The following TMEM178B variants were observed in gnomAD, a reference collection of about 807,000 sequenced individuals.
TMEM178B encodes transmembrane protein 178B.
TMEM178B carries 5 observed loss-of-function variants against 31.0 expected under a neutral mutation model. That is an observed-to-expected ratio of 0.16 (90% CI 0.08 to 0.34). TMEM178B has a LOEUF of 0.34. TMEM178B is among the 10% of genes least tolerant of loss of function. TMEM178B has a pLI of 1.00. For synonymous variants in TMEM178B, 164 were observed against 164.0 expected (o/e 1.00, Z 0.00); for missense variants, 275 against 400.3 (o/e 0.69, Z 2.67).
intron 2 of TMEM178B, chr7:141,416,028 T>G (rs943713428): frequency 1.3e-5 from 2 of 152,712 alleles, no homozygotes; most frequent in African/African-American, 4.8e-5. Flanking sequence ...GAATATTCTT[T>G]TTAAATTCTT....
At chr7:141,174,753 A>G (rs186686717) in intron 1 of TMEM178B, among the ~76,000 whole-genome samples, 106 of 152,274 alleles carry the variant, frequency 7.0e-4, no homozygotes, top group African/African-American at 2.4e-3. Flanking sequence ...GGCCACATAA[A>G]TGTCTTCTTT....
intron 2 of TMEM178B, among the ~76,000 whole-genome samples, chr7:141,358,188 G>T (rs567329370): frequency 4.8e-4 from 73 of 152,154 alleles, no homozygotes; most frequent in Non-Finnish European, 8.8e-4. Context: ...CACTGGCCTG[G>T]TATCCTCAGG....
intron 2 of TMEM178B, among the ~76,000 whole-genome samples, chr7:141,329,740 G>A (rs1415962429): frequency 6.6e-6 from 1 of 152,206 alleles, no homozygotes; most frequent in Non-Finnish European, 1.5e-5. Flanking sequence ...AAGTTACACA[G>A]TCTGTTCTGC....
intron 2 of TMEM178B, among the ~76,000 whole-genome samples, chr7:141,426,983 A>G (rs1000967910): frequency 2.0e-5 from 3 of 152,142 alleles, no homozygotes; most frequent in African/African-American, 7.2e-5. Flanking sequence ...AAATTTAAAC[A>G]CTTAGGAGTA....
intron 1 of TMEM178B, among the ~76,000 whole-genome samples, chr7:141,173,865 G>C (rs905676657): frequency 1.3e-5 from 2 of 152,146 alleles, no homozygotes; most frequent in Non-Finnish European, 2.9e-5. Flanking sequence ...GGCCAGCATT[G>C]TGTTTTGTGC....
chr7:141,155,424 G>A (rs970217139), intron 1 of TMEM178B, among the ~76,000 whole-genome samples: 2 of 152,152 alleles, frequency 1.3e-5, no homozygotes, highest in African/African-American at 4.8e-5. Context: ...CCTGATGGGG[G>A]CATAGCACCC....
chr7:141,487,770 A>C, the TMEM178B span, among the ~76,000 whole-genome samples: 13 of 147,942 alleles, frequency 8.8e-5, no homozygotes, highest in South Asian at 2.8e-3. Context: ...AAAAAAAAAA[A>C]TTGTGGACTT....
chr7:141,343,089 C>A (rs1311340423), intron 2 of TMEM178B, among the ~76,000 whole-genome samples: 1 of 152,176 alleles, frequency 6.6e-6, no homozygotes, highest in Non-Finnish European at 1.5e-5. Flanking sequence ...TGAGAAGGTT[C>A]ATCTCTAATG....
intron 2 of TMEM178B, among the ~76,000 whole-genome samples, chr7:141,347,586 G>A (rs564660223): frequency 6.6e-5 from 10 of 152,294 alleles, no homozygotes; most frequent in African/African-American, 2.4e-4. Context: ...AGATGCTCGT[G>A]GCTGAGGGAG....
At chr7:141,215,778 CTTT>C (rs1797123608) in intron 2 of TMEM178B, among the ~76,000 whole-genome samples, 3 of 38,132 alleles carry the variant, frequency 7.9e-5, no homozygotes, top group African/African-American at 1.4e-4. Context: ...ATATACTTTC[CTTT>C]CTTTCTTTCT....
intron 1 of TMEM178B, among the ~76,000 whole-genome samples, chr7:141,119,097 T>A (rs908379381): frequency 6.6e-6 from 1 of 152,146 alleles, no homozygotes; most frequent in Non-Finnish European, 1.5e-5. Context: ...AAAGGAAGCC[T>A]GCAGAGGCTG....
At chr7:141,372,050 C>G (rs1367292347) in intron 2 of TMEM178B, among the ~76,000 whole-genome samples, 4 of 152,120 alleles carry the variant, frequency 2.6e-5, no homozygotes, top group Admixed American at 1.3e-4. Context: ...CTTTTTTCAG[C>G]AAAGCTTTAC....
intron 2 of TMEM178B, among the ~76,000 whole-genome samples, chr7:141,269,172 C>T (rs1798141361): frequency 6.6e-6 from 1 of 150,436 alleles, no homozygotes; most frequent in Admixed American, 6.7e-5. Context: ...CTCACAGTAA[C>T]CTACACCTCC....
intron 1 of TMEM178B, among the ~76,000 whole-genome samples, chr7:141,149,546 A>G (rs865974706): frequency 6.6e-6 from 1 of 150,640 alleles, no homozygotes; most frequent in Non-Finnish European, 1.5e-5. Flanking sequence ...AACAGCAACA[A>G]CAACAACAAC....
At chr7:141,249,780 T>G (rs547400650) in intron 2 of TMEM178B, among the ~76,000 whole-genome samples, 13 of 152,360 alleles carry the variant, frequency 8.5e-5, no homozygotes, top group African/African-American at 3.1e-4. Context: ...TTGTTGGTAC[T>G]ATTTCATCTT....
intron 1 of TMEM178B, among the ~76,000 whole-genome samples, chr7:141,144,252 GTTAA>G (rs1165930006): frequency 3.9e-5 from 6 of 152,066 alleles, no homozygotes; most frequent in African/African-American, 1.4e-4. Context: ...TCCATAACTT[GTTAA>G]TTAAGCTTTA....
the TMEM178B span, among the ~76,000 whole-genome samples, chr7:141,487,827 AG>A: frequency 1.3e-5 from 2 of 151,884 alleles, no homozygotes; most frequent in African/African-American, 2.4e-5. Context: ...GAGAAGAAAA[AG>A]GAAACATTTC....
chr7:141,171,007 CACACACACAT>C lies in TMEM178B; in HGVS notation c.383-41574_383-41565del, dbSNP rs766911757. ...GTTATTACAGGTTCAGACTACACAT[CACACACACAT>C]ACACACACACACACACACACACACA... is the stretch of plus-strand genomic sequence containing the variant. On this transcript the variant is annotated intron_variant, in intron 1 of 3. Coordinates refer to ENST00000565468, the MANE Select transcript of TMEM178B (RefSeq NM_001195278.2). The surrounding 1 kb of genome is among the most constrained non-coding windows in gnomAD (Gnocchi z 4.3). Among the ~76,000 whole-genome samples, 2 of 116,102 alleles carry C rather than the reference CACACACACAT, an allele frequency of 1.7e-5. No individual in the cohort carries two copies. Among genetic ancestry groups the C allele is most frequent in the African/African-American group, 7.0e-5 (2 of 28,448 alleles). The allele number at this position is 116,102 out of a possible 152,430, so 76.2% of individuals were successfully genotyped here. A position where few individuals can be genotyped will look rare whatever the true frequency, so the allele number is the denominator to read the frequency against.
At chr7:141,462,967 C>T (rs1238136676) in intron 3 of TMEM178B, among the ~76,000 whole-genome samples, 1 of 152,120 alleles carries the variant, frequency 6.6e-6, no homozygotes, top group Non-Finnish European at 1.5e-5. Context: ...CTACATAGCC[C>T]ATTCCCCACC....
Sources: gnomAD v4.1 joint callset for allele counts (sites outside exome capture counted in the v4.1 genomes callset) on GRCh38, gnomAD v4.1.1 for gene constraint, Gnocchi (gnomAD v3.1) non-coding constraint, MANE v1.5 for transcripts, NCBI Gene and HGNC (gene_info 2026-07-23, HGNC 2026-07-21) for gene names.